MYO3B: variants seen among roughly 807,000 people sequenced by gnomAD.
MYO3B encodes myosin IIIB, also known as myosin-IIIb.
In MYO3B, 156 loss-of-function variants were observed where a neutral mutation model predicts 174.6. The ratio of observed to expected loss-of-function variants is 0.89; its 90% confidence interval spans 0.78 to 1.02. The LOEUF is 1.02. Ranked by LOEUF, MYO3B falls within the 50% of genes least tolerant of loss-of-function variation. MYO3B has a pLI of 0.00. For missense variants in MYO3B, 1,632 were observed against 1,639.4 expected (o/e 1.00, Z 0.08); for synonymous variants, 563 against 569.1 (o/e 0.99, Z 0.15).
At chr2:170,465,560 C>A (rs1030227303) in intron 24 of MYO3B, among the ~76,000 whole-genome samples, 6 of 152,140 alleles carry the variant, frequency 3.9e-5, no homozygotes, top group Admixed American at 6.5e-5. Context: ...CTCCTGGTAA[C>A]CCTTGGTGTC....
At chr2:170,508,822 C>G (rs1687781553) in intron 28 of MYO3B, among the ~76,000 whole-genome samples, 1 of 152,164 alleles carries the variant, frequency 6.6e-6, no homozygotes, top group South Asian at 2.1e-4. Flanking sequence ...GGGAAAAGTA[C>G]TTAACTTCTG....
At chr2:170,507,102 G>T (rs1046367271) in intron 28 of MYO3B, among the ~76,000 whole-genome samples, 2 of 152,216 alleles carry the variant, frequency 1.3e-5, no homozygotes, top group Non-Finnish European at 2.9e-5. Flanking sequence ...CTTCTTGGCC[G>T]TAGGGCAGGA....
chr2:170,624,566 C>A (rs112335691), intron 32 of MYO3B, among the ~76,000 whole-genome samples: 4,525 of 152,188 alleles, frequency 0.03, 239 homozygotes, highest in African/African-American at 0.1. Context: ...TTTCTTTCTC[C>A]TGCCTGATTG....
chr2:170,520,494 C>CAT, intron 30 of MYO3B, among the ~76,000 whole-genome samples: 1 of 151,538 alleles, frequency 6.6e-6, no homozygotes, highest in African/African-American at 2.4e-5. Flanking sequence ...TATATACACA[C>CAT]ATATATACAC....
chr2:170,537,621 A>G (rs1047534914), intron 30 of MYO3B, among the ~76,000 whole-genome samples: 3 of 151,478 alleles, frequency 2.0e-5, no homozygotes, highest in African/African-American at 2.4e-5. Context: ...TAGTTTTTGT[A>G]TTTTTTGTAG....
At chr2:170,652,843 G>A (rs1383974696) in intron 34 of MYO3B, 140 bp from the exon 35 acceptor site, 1 of 839,676 alleles carries the variant, frequency 1.2e-6, no homozygotes, top group Non-Finnish European at 1.9e-6. Context: ...GAGACCCTGA[G>A]CTACCTAGGA....
intron 32 of MYO3B, among the ~76,000 whole-genome samples, chr2:170,624,491 T>A (rs1696226638): frequency 1.3e-5 from 2 of 152,232 alleles, no homozygotes; most frequent in East Asian, 3.8e-4. Context: ...TTTCTAGATA[T>A]ACAATCATGT....
chr2:170,547,562 A>G, intron 32 of MYO3B, among the ~76,000 whole-genome samples: 1 of 152,198 alleles, frequency 6.6e-6, no homozygotes, highest in East Asian at 1.9e-4. Context: ...ATATTTATTT[A>G]TTCAAAAAAT....
At chr2:170,364,293 TTA>T (rs961168500) in intron 8 of MYO3B, among the ~76,000 whole-genome samples, 4 of 47,930 alleles carry the variant, frequency 8.3e-5, no homozygotes, top group Non-Finnish European at 4.0e-4. Context: ...AAACTTTTTT[TTA>T]ACCCTAGCTC....
chr2:170,603,454 G>A (rs1270551329), intron 32 of MYO3B, among the ~76,000 whole-genome samples: 5 of 152,054 alleles, frequency 3.3e-5, no homozygotes, highest in South Asian at 2.1e-4. Flanking sequence ...TTTTCTAAAC[G>A]TCTTAAAACT....
At chr2:170,310,054 A>AC (rs2105466608) in intron 7 of MYO3B, among the ~76,000 whole-genome samples, 1 of 152,290 alleles carries the variant, frequency 6.6e-6, no homozygotes, top group African/African-American at 2.4e-5. Flanking sequence ...ACTTAGCATA[A>AC]TGTTTTCAAG....
At chr2:170,447,101 T>C (rs142677055) in intron 23 of MYO3B, among the ~76,000 whole-genome samples, 325 of 152,190 alleles carry the variant, frequency 2.1e-3, no homozygotes, top group African/African-American at 7.2e-3. Context: ...AGAGTGACCT[T>C]CCTAGGTATT....
chr2:170,485,402 C>T (rs1019690662), intron 25 of MYO3B, among the ~76,000 whole-genome samples: 2 of 129,990 alleles, frequency 1.5e-5, no homozygotes, highest in Non-Finnish European at 3.4e-5. Flanking sequence ...CACACACACA[C>T]ACACACACAC....
intron 32 of MYO3B, among the ~76,000 whole-genome samples, chr2:170,645,249 T>A (rs1015929179): frequency 2.0e-5 from 3 of 152,068 alleles, no homozygotes; most frequent in African/African-American, 7.2e-5. Flanking sequence ...GGCAGGTGGA[T>A]TGCTTGAGGT....
At chr2:170,483,375 CTTTTTTTT>C (rs61527598) in intron 25 of MYO3B, among the ~76,000 whole-genome samples, 8 of 62,102 alleles carry the variant, frequency 1.3e-4, no homozygotes, top group East Asian at 8.5e-4. Flanking sequence ...CTTGGGGATT[CTTTTTTTT>C]TTTTTTTTTT....
At chr2:170,296,377 G>A (rs2093628883) in intron 7 of MYO3B, among the ~76,000 whole-genome samples, 1 of 152,194 alleles carries the variant, frequency 6.6e-6, no homozygotes, top group Non-Finnish European at 1.5e-5. Context: ...TATAACCATT[G>A]GTGGTTAGTG....
intron 7 of MYO3B, among the ~76,000 whole-genome samples, chr2:170,304,861 C>T (rs1427102585): frequency 6.6e-6 from 1 of 151,158 alleles, no homozygotes; most frequent in Non-Finnish European, 1.5e-5. Flanking sequence ...GTATTTTTTT[C>T]CCCCAGTTTT....
chr2:170,537,991 C>T (rs770032650), intron 30 of MYO3B, among the ~76,000 whole-genome samples: 3 of 152,162 alleles, frequency 2.0e-5, no homozygotes, highest in Non-Finnish European at 2.9e-5. Flanking sequence ...CCAAGCCATT[C>T]TAACTTATAA....
At chr2:170,435,601 A>G (rs547458710) in intron 22 of MYO3B, among the ~76,000 whole-genome samples, 1 of 152,212 alleles carries the variant, frequency 6.6e-6, no homozygotes, top group Non-Finnish European at 1.5e-5. Context: ...GTCTACTGCG[A>G]TATAACTTAA....
Sources: allele counts gnomAD v4.1 joint callset (sites outside exome capture counted in the v4.1 genomes callset), GRCh38; gene constraint gnomAD v4.1.1; transcripts MANE v1.5; gene names NCBI Gene and HGNC (gene_info 2026-07-23, HGNC 2026-07-21).